The following ZFHX4 variants were observed in gnomAD, a reference collection of about 807,000 sequenced individuals.
The protein encoded by ZFHX4 is zinc finger homeobox 4.
In ZFHX4, 56 loss-of-function variants were observed where a neutral mutation model predicts 267.6. The observed-to-expected ratio is 0.21, with a 90% CI of 0.17 to 0.26. ZFHX4 has a LOEUF of 0.26. Among genes scored for constraint, ZFHX4 ranks in the 10% least tolerant of loss-of-function variants. ZFHX4 has a pLI of 1.00. For missense variants in ZFHX4, 4,332 were observed against 4,420.0 expected (o/e 0.98, Z 0.56); for synonymous variants, 1,778 against 1,665.6 (o/e 1.07, Z -1.64).
chr8:76,695,015 C>T (rs2131589584), intron 1 of ZFHX4, among the ~76,000 whole-genome samples: 1 of 151,974 alleles, frequency 6.6e-6, no homozygotes, highest in South Asian at 2.1e-4. Flanking sequence ...TGGAGAGAGA[C>T]ATTTTTGTGC....
At position 76,811,249 on chromosome 8, in the gene ZFHX4, G is replaced by C. The variant is rs533461393; in HGVS notation, c.3326-22089G>C. Among the ~76,000 whole-genome samples, 28 of 152,304 alleles carry C rather than the reference G, an allele frequency of 1.8e-4. No homozygotes were observed. In the South Asian group the frequency reaches 5.6e-3, roughly 30 times the overall value. ...GAGGAGAGTAGTCCTTAGGGCCCCT[G>C]CTGGTATTTTTACACATTTAGCCTG... On this transcript the variant is annotated intron_variant, in intron 4 of 10. Coordinates refer to ENST00000651372, the MANE Select transcript of ZFHX4 (RefSeq NM_024721.5).
rs531380829 is a variant in ZFHX4, at chr8:76,723,492, A to C, written c.3093+15444A>C. ...GAATATATGTTTATTTGTTTTTCTT[A>C]TAAACAGGAAGCAGAGTAAAAATTA... On this transcript the variant is annotated intron_variant, in intron 3 of 10. Transcript: ENST00000651372. 6.3e-4 allele frequency among the ~76,000 whole-genome samples: 96 copies of C among 151,808 alleles called. 1 individual carries two copies. In the South Asian group the frequency reaches 0.019, roughly 30 times the overall value.
At chr8:76,723,925 A>G (rs1203992808) in intron 3 of ZFHX4, among the ~76,000 whole-genome samples, 2 of 151,972 alleles carry the variant, frequency 1.3e-5, no homozygotes, top group African/African-American at 4.8e-5. Flanking sequence ...GCTGGAATGA[A>G]TGGACTCTAC....
intron 4 of ZFHX4, among the ~76,000 whole-genome samples, chr8:76,791,164 C>T (rs1037610093): frequency 6.6e-6 from 1 of 152,122 alleles, no homozygotes; most frequent in Non-Finnish European, 1.5e-5. Flanking sequence ...CTTTTCCTTG[C>T]CATTCATTGA....
chr8:76,743,045 T>C (rs1005661319), intron 3 of ZFHX4, among the ~76,000 whole-genome samples: 1 of 152,152 alleles, frequency 6.6e-6, no homozygotes, highest in African/African-American at 2.4e-5. Context: ...ATTTACATAT[T>C]CCATTTTAAA....
At chr8:76,833,988 A>G (rs1750639599) in intron 5 of ZFHX4, 1 of 257,138 alleles carries the variant, frequency 3.9e-6, no homozygotes, top group African/African-American at 2.3e-5. Flanking sequence ...AACAGTATGT[A>G]GTTTTTTTTA....
At chr8:76,778,570 G>A in intron 4 of ZFHX4, 131 bp downstream of exon 4, 2 of 741,866 alleles carry the variant, frequency 2.7e-6, no homozygotes, top group Non-Finnish European at 4.6e-6. Flanking sequence ...GTAAAACACG[G>A]CAGCTCTTAA....
chr8:76,733,796 A>G (rs1029111495), intron 3 of ZFHX4, among the ~76,000 whole-genome samples: 4 of 152,138 alleles, frequency 2.6e-5, no homozygotes, highest in African/African-American at 9.7e-5. Context: ...CCCAGCTAAT[A>G]TGAGACACAT....
intron 9 of ZFHX4, 56 bp downstream of exon 9, chr8:76,850,418 G>T (rs1812483879): frequency 1.5e-6 from 2 of 1,377,506 alleles, no homozygotes. Flanking sequence ...CTTTGCATTT[G>T]TGGTGGTGCC....
intron 4 of ZFHX4, among the ~76,000 whole-genome samples, chr8:76,794,399 A>G (rs1314637341): frequency 2.0e-5 from 3 of 152,140 alleles, no homozygotes; most frequent in Non-Finnish European, 1.5e-5. Context: ...TTTCATGTAT[A>G]AGAAGAGGTT....
At chr8:76,823,542 CCTTTCCAGATTT>C (rs1811709017) in intron 4 of ZFHX4, among the ~76,000 whole-genome samples, 1 of 152,144 alleles carries the variant, frequency 6.6e-6, no homozygotes, top group African/African-American at 2.4e-5. Context: ...ACTAACTTTT[CCTTTCCAGATTT>C]CTTTCACTTA....
chr8:76,684,714 G>A (rs575283759), intron 1 of ZFHX4, among the ~76,000 whole-genome samples: 1 of 152,330 alleles, frequency 6.6e-6, no homozygotes, highest in Non-Finnish European at 1.5e-5. Context: ...GCCACTTAAA[G>A]TTAAAAATGA....
intron 4 of ZFHX4, among the ~76,000 whole-genome samples, chr8:76,788,060 A>G (rs1388527901): frequency 6.6e-6 from 1 of 152,168 alleles, no homozygotes; most frequent in Non-Finnish European, 1.5e-5. Context: ...CTTTTAGGCT[A>G]AATGATTTAC....
chr8:76,857,030 T>A (rs1315444524), intron 10 of ZFHX4, among the ~76,000 whole-genome samples: 1 of 152,144 alleles, frequency 6.6e-6, no homozygotes, highest in East Asian at 1.9e-4. Flanking sequence ...AGTTTCTACT[T>A]AAGGCATAAC....
At position 76,744,324 on chromosome 8, in the gene ZFHX4, C is replaced by T. The variant is rs190256425; in HGVS notation, c.3094-33884C>T. Among the ~76,000 whole-genome samples, 830 of 151,970 alleles carry T rather than the reference C, an allele frequency of 5.5e-3. 10 individuals carry two copies. Among genetic ancestry groups the T allele is most frequent in the African/African-American group, 0.018 (728 of 41,480 alleles). ...TCATGCCACTGCACTTTAGCCTGGG[C>T]GACAGAGCGAGACTCCACCTAAAAA... is the stretch of plus-strand genomic sequence containing the variant. On this transcript the variant is annotated intron_variant, in intron 3 of 10. Coordinates refer to ENST00000651372, the MANE Select transcript of ZFHX4 (RefSeq NM_024721.5).
intron 3 of ZFHX4, among the ~76,000 whole-genome samples, chr8:76,770,512 C>T (rs892752161): frequency 6.6e-6 from 1 of 152,020 alleles, no homozygotes; most frequent in Non-Finnish European, 1.5e-5. Context: ...GAGCATATAG[C>T]TATATGCTGG....
At chr8:76,708,602 T>A (rs573604947) in intron 3 of ZFHX4, among the ~76,000 whole-genome samples, 1 of 152,366 alleles carries the variant, frequency 6.6e-6, no homozygotes, top group East Asian at 1.9e-4. Flanking sequence ...TTATTTTGTA[T>A]GACTGTCTTC....
chr8:76,860,277 C>T (rs1457586855), intron 10 of ZFHX4, among the ~76,000 whole-genome samples: 1 of 152,066 alleles, frequency 6.6e-6, no homozygotes, highest in African/African-American at 2.4e-5. Context: ...CATTATTTAA[C>T]TCAGCTTTTT....
chr8:76,764,742 TA>T (rs988743292), intron 3 of ZFHX4, among the ~76,000 whole-genome samples: 11 of 152,202 alleles, frequency 7.2e-5, no homozygotes, highest in African/African-American at 2.7e-4. Context: ...CTCTGACTGT[TA>T]GTTTCACGTT....
Sources: gnomAD v4.1 joint callset for allele counts (sites outside exome capture counted in the v4.1 genomes callset) on GRCh38, gnomAD v4.1.1 for gene constraint, MANE v1.5 for transcripts, NCBI Gene and HGNC (gene_info 2026-07-23, HGNC 2026-07-21) for gene names.